The following NFKB1 variants were observed in gnomAD, a reference collection of about 807,000 sequenced individuals.
The protein encoded by NFKB1 is nuclear factor kappa B subunit 1.
In NFKB1, 9 loss-of-function variants were observed where a neutral mutation model predicts 105.1. The ratio of observed to expected loss-of-function variants is 0.09; its 90% CI spans 0.05 to 0.15. The LOEUF (loss-of-function observed/expected upper bound fraction) is 0.15, where lower values mean the gene tolerates loss of function less well. Ranked by LOEUF, NFKB1 falls within the 10% of genes least tolerant of loss-of-function variation. The pLI, the probability that NFKB1 is intolerant of heterozygous loss-of-function variation, is 1.00. For synonymous variants in NFKB1, 440 were observed against 442.2 expected, an observed-to-expected ratio of 1.00 and a Z score of 0.06; for missense variants, 830 against 1,203.7, an observed-to-expected ratio of 0.69 and a Z score of 4.59.
chr4:102,596,661 T>G (rs1726642045), intron 14 of NFKB1, among the ~76,000 whole-genome samples: 1 of 152,184 alleles, frequency 6.6e-6, no homozygotes, highest in Non-Finnish European at 1.5e-5. Flanking sequence ...AGCTTAATAG[T>G]CACCCTGTCT....
At chr4:102,556,470 A>T (rs1010412165) in intron 5 of NFKB1, among the ~76,000 whole-genome samples, 10 of 152,160 alleles carry the variant, frequency 6.6e-5, no homozygotes, top group Non-Finnish European at 1.3e-4. Context: ...GTGCCTTAGC[A>T]AAAGCAGCCA....
chr4:102,612,940 T>C (rs1728563247), intron 22 of NFKB1, among the ~76,000 whole-genome samples: 1 of 152,096 alleles, frequency 6.6e-6, no homozygotes, highest in South Asian at 2.1e-4. Context: ...AGAACACACC[T>C]TACCCCATGG....
rs141529060 is a variant in NFKB1 at position 102,579,666 on chromosome 4, T to C, written c.730+627T>C. On this transcript the variant is annotated intron_variant, in intron 8 of 23. Coordinates refer to ENST00000226574, the MANE Select transcript of NFKB1 (RefSeq NM_003998.4). ...AAAAAAATATATATATATATATATG[T>C]ATATATATATTAATTTATAGTTCCT... 6.4e-3 allele frequency among the ~76,000 whole-genome samples: 941 copies of C among 147,648 alleles called. 7 individuals carry two copies. Among genetic ancestry groups the C allele is most frequent in the African/African-American group, 0.021 (850 of 40,538 alleles).
At chr4:102,577,181 G>T in intron 7 of NFKB1, 142 bp downstream of exon 7, 1 of 804,436 alleles carries the variant, frequency 1.2e-6, no homozygotes. Flanking sequence ...AACCTTTGAT[G>T]GCATCCTGCT....
At chr4:102,503,391 A>C (rs1295204421) in intron 1 of NFKB1, 1 of 152,006 alleles carries the variant, frequency 6.6e-6, no homozygotes, top group African/African-American at 2.4e-5. Context: ...ACTTGAACAC[A>C]AAGGAACACA....
intron 10 of NFKB1, among the ~76,000 whole-genome samples, chr4:102,583,705 T>A (rs1462691306): frequency 1.3e-5 from 2 of 151,868 alleles, no homozygotes; most frequent in African/African-American, 4.8e-5. Context: ...ATGATCAGTT[T>A]AATCATTTAA....
intron 15 of NFKB1, among the ~76,000 whole-genome samples, chr4:102,599,611 T>A (rs1180023843): frequency 6.6e-6 from 1 of 152,168 alleles, no homozygotes. Context: ...GTATCCCCTA[T>A]GCAGGATTGC....
chr4:102,611,287 C>T (rs1257091095), intron 20 of NFKB1, among the ~76,000 whole-genome samples: 1 of 152,112 alleles, frequency 6.6e-6, no homozygotes, highest in African/African-American at 2.4e-5. Context: ...GAGACGAGAG[C>T]TGCTCCACTT....
intron 1 of NFKB1, chr4:102,510,918 G>A: frequency 7.8e-7 from 1 of 1,283,288 alleles, no homozygotes; most frequent in Non-Finnish European, 1.0e-6. Context: ...AAAGACAGAA[G>A]CATATCTTGG....
Position 102,576,458 on chromosome 4 carries a change from C to T in NFKB1, c.408-418C>T, listed in dbSNP as rs1009422750. Reference sequence around the variant, plus strand: ...ATATAGACACATATGCTCCCACTCCCGTAATCAAATTTGGAAGTCAAATAA... The same window carrying T: ...ATATAGACACATATGCTCCCACTCCTGTAATCAAATTTGGAAGTCAAATAA... On this transcript the variant is annotated intron_variant, in intron 6 of 23. Transcript: ENST00000226574. Among the ~76,000 whole-genome samples, 26 of 152,148 alleles carry T rather than the reference C, an allele frequency of 1.7e-4. 1 individual carries two copies. The highest frequency in any genetic ancestry group is 4.1e-4 in the South Asian group (2 of 4,830).
chr4:102,599,568 C>T (rs1726952534), intron 15 of NFKB1, among the ~76,000 whole-genome samples: 1 of 152,172 alleles, frequency 6.6e-6, no homozygotes, highest in African/African-American at 2.4e-5. Flanking sequence ...TCTTCTTAGA[C>T]ATTCATCTGA....
intron 4 of NFKB1, among the ~76,000 whole-genome samples, chr4:102,534,379 G>A (rs1323547345): frequency 6.6e-6 from 1 of 152,112 alleles, no homozygotes; most frequent in East Asian, 1.9e-4. Context: ...AGTACCAGTG[G>A]GAAGTAAAAT....
In NFKB1 at chr4:102,563,748, C is replaced by G. The variant is rs1723622286; in HGVS notation, c.259-3239C>G. Among the ~76,000 whole-genome samples, 3 of 151,646 alleles carry G rather than the reference C, an allele frequency of 2.0e-5. No individual in the cohort carries two copies. In the South Asian group the frequency reaches 6.2e-4, roughly 32 times the overall value. On this transcript the variant is annotated intron_variant, in intron 5 of 23. Transcript: ENST00000226574. Reference sequence around the variant, plus strand: ...TTTGCGCCTAAAGTCCATGCTCTTACAGTGTCCCTGGGTAGCTGAGTACTC... The same window carrying G: ...TTTGCGCCTAAAGTCCATGCTCTTAGAGTGTCCCTGGGTAGCTGAGTACTC...
chr4:102,524,092 T>C (rs1740741876), intron 1 of NFKB1, among the ~76,000 whole-genome samples: 1 of 152,044 alleles, frequency 6.6e-6, no homozygotes, highest in Non-Finnish European at 1.5e-5. Flanking sequence ...GTTTCTTTAA[T>C]TTTCTCATTT....
intron 6 of NFKB1, among the ~76,000 whole-genome samples, chr4:102,573,432 TATA>T (rs1379964844): frequency 6.6e-6 from 1 of 152,218 alleles, no homozygotes; most frequent in Non-Finnish European, 1.5e-5. Context: ...TGTTCCTCTG[TATA>T]TAATTTTTTT....
chr4:102,616,236 T>C lies in NFKB1; in HGVS notation c.2750-198T>C, dbSNP rs188684158. The stretch of plus-strand genomic sequence containing the variant: ...GAAAGCATTTGGCTAATTCTGACAT[T>C]TGGCTAATAACATCCTCACAGTATG... On this transcript the variant is annotated intron_variant, in intron 23 of 23. Coordinates refer to ENST00000226574, the MANE Select transcript of NFKB1 (RefSeq NM_003998.4). 9.9e-5 allele frequency among the ~76,000 whole-genome samples: 15 copies of C among 152,268 alleles called. No homozygotes were observed. In the East Asian group the frequency reaches 2.9e-3, roughly 29 times the overall value.
At chr4:102,595,772 C>T (rs1486092527) in intron 13 of NFKB1, among the ~76,000 whole-genome samples, 1 of 152,180 alleles carries the variant, frequency 6.6e-6, no homozygotes, top group Non-Finnish European at 1.5e-5. Context: ...GTCGACAACA[C>T]GTCTTTATGA....
At chr4:102,523,126 A>G (rs919292151) in intron 1 of NFKB1, among the ~76,000 whole-genome samples, 3 of 152,198 alleles carry the variant, frequency 2.0e-5, no homozygotes, top group African/African-American at 7.2e-5. Flanking sequence ...TGAAGAAACA[A>G]AGGCCACAGT....
intron 10 of NFKB1, among the ~76,000 whole-genome samples, chr4:102,584,467 A>G (rs2149192262): frequency 6.6e-6 from 1 of 152,356 alleles, no homozygotes; most frequent in East Asian, 1.9e-4. Context: ...TTAGCATAGC[A>G]TTGTATTTTG....
Sources: allele counts gnomAD v4.1 joint callset (sites outside exome capture counted in the v4.1 genomes callset), GRCh38; gene constraint gnomAD v4.1.1; transcripts MANE v1.5; gene names NCBI Gene and HGNC (gene_info 2026-07-23, HGNC 2026-07-21).